The following CELF5 variants were observed in gnomAD, a reference collection of about 807,000 sequenced individuals.
The protein encoded by CELF5 is CUG-BP and ETR-3 like factor 5.
Under a neutral mutation model 54.9 loss-of-function variants are expected in CELF5, and 6 were observed. The observed-to-expected ratio is 0.11, with a 90% CI of 0.06 to 0.22. The LOEUF (loss-of-function observed/expected upper bound fraction) is 0.22, where lower values mean the gene tolerates loss of function less well. CELF5 is among the 10% of genes least tolerant of loss of function. The pLI is 1.00. For missense variants in CELF5, 401 were observed against 678.6 expected (o/e 0.59, Z 4.54); for synonymous variants, 271 against 290.9 (o/e 0.93, Z 0.70).
rs1219731783 is a variant in CELF5, at chr19:3,284,924, G to A, written c.1062G>A (p.Glu354=). 4 of 1,612,982 alleles carry A rather than the reference G, an allele frequency of 2.5e-6. No individual in the cohort carries two copies. The highest frequency in any genetic ancestry group is 1.7e-4 in the Middle Eastern group (1 of 5,884). The part of the protein sequence containing the change: ...PYPAQSPTVA[E]TLHPAFSGVQ... ...CAGCTCAGAGCCCGACTGTGGCCGA[G>A]ACACTGCATCCTGCCTTCTCCGGAG... The change falls in exon 9 of 13, where the codon GAG becomes GAA. Residue 354 remains glutamate (E), a synonymous_variant. Transcript: ENST00000292672.
intron 1 of CELF5, among the ~76,000 whole-genome samples, chr19:3,244,497 G>A (rs1315618664): frequency 1.3e-5 from 2 of 148,538 alleles, no homozygotes; most frequent in Non-Finnish European, 3.0e-5. Context: ...CGGTGTGCAT[G>A]CATCTGTGTG....
intron 2 of CELF5, among the ~76,000 whole-genome samples, chr19:3,265,521 T>C (rs2079869824): frequency 6.6e-6 from 1 of 152,186 alleles, no homozygotes; most frequent in Admixed American, 6.5e-5. Context: ...TTTTTGTTTA[T>C]TTTTTGAGAC....
chr19:3,241,639 C>T (rs2079492772), intron 1 of CELF5, among the ~76,000 whole-genome samples: 1 of 151,982 alleles, frequency 6.6e-6, no homozygotes, highest in Non-Finnish European at 1.5e-5. Flanking sequence ...AGCTGTGGCT[C>T]AGGCTGAGGC....
chr19:3,253,107 A>G (rs569471643), intron 2 of CELF5, among the ~76,000 whole-genome samples: 185 of 152,146 alleles, frequency 1.2e-3, no homozygotes, highest in African/African-American at 4.3e-3. Flanking sequence ...ACATTAAAAA[A>G]AAAAAGAAAG....
At position 3,226,266 on chromosome 19, in the gene CELF5, AT is replaced by A. The variant is rs773005877; in HGVS notation, c.259+1270del. ...GAATGCATGTTTATTGAATGAATGA[AT>A]TGAATGAATGAATGAATGAATGAAT... On this transcript the variant is annotated intron_variant, in intron 1 of 12. Transcript: ENST00000292672. Among the ~76,000 whole-genome samples, 26 of 125,282 alleles carry A rather than the reference AT, an allele frequency of 2.1e-4. 1 individual carries two copies. The highest frequency in any genetic ancestry group is 9.7e-4 in the Admixed American group (11 of 11,324). The allele number at this position is 125,282 out of a possible 152,430, so 82.2% of individuals were successfully genotyped here. A position where few individuals can be genotyped will look rare whatever the true frequency, so the allele number is the denominator to read the frequency against.
intron 1 of CELF5, among the ~76,000 whole-genome samples, chr19:3,233,933 C>T (rs1324079625): frequency 3.3e-5 from 5 of 152,222 alleles, no homozygotes; most frequent in Non-Finnish European, 7.3e-5. Context: ...ATGCCTGGCT[C>T]TTCTGAGGAG....
At chr19:3,256,570 A>ATTG (rs2079730300) in intron 2 of CELF5, among the ~76,000 whole-genome samples, 1 of 130,978 alleles carries the variant, frequency 7.6e-6, no homozygotes, top group African/African-American at 2.7e-5. Flanking sequence ...TATTATTATT[A>ATTG]TTATTAATTT....
intron 12 of CELF5, 74 bp downstream of exon 12, chr19:3,293,560 A>T: frequency 8.0e-7 from 1 of 1,256,386 alleles, no homozygotes; most frequent in Non-Finnish European, 1.1e-6. Flanking sequence ...GGCCCACTTC[A>T]TGCTCCAAAC....
chr19:3,272,467 C>T (rs1192897652), intron 2 of CELF5, among the ~76,000 whole-genome samples: 1 of 152,178 alleles, frequency 6.6e-6, no homozygotes, highest in Non-Finnish European at 1.5e-5. Flanking sequence ...TCAGAAAGAG[C>T]ACTTTGGAAC....
intron 2 of CELF5, among the ~76,000 whole-genome samples, chr19:3,252,487 G>A (rs984196407): frequency 5.9e-5 from 9 of 152,156 alleles, no homozygotes; most frequent in East Asian, 3.9e-4. Flanking sequence ...GAGCCACGGC[G>A]CCCCACCTTG....
In CELF5 at chr19:3,285,879, G is replaced by A. The variant is rs1392746120; in HGVS notation, c.1103-63G>A. The A allele has an allele frequency of 1.2e-5, 15 of 1,263,610 alleles. No homozygotes were observed. The African/African-American group carries it at 2.1e-4, about 18-fold the overall frequency. The allele number at this position is 1,263,610 out of a possible 1,614,324, so 78.3% of individuals were successfully genotyped here. On this transcript the variant is annotated intron_variant, in intron 9 of 12. Coordinates refer to ENST00000292672, the MANE Select transcript of CELF5 (RefSeq NM_021938.4). ...GGCCCCGCCCCCTCCCCGCCCAGCG[G>A]CCCAGGCCGCCCACGTGGCCTCACG...
intron 2 of CELF5, among the ~76,000 whole-genome samples, chr19:3,271,262 G>C (rs1026181347): frequency 5.3e-5 from 8 of 151,732 alleles, no homozygotes; most frequent in African/African-American, 1.9e-4. Flanking sequence ...ACCTCCCCTG[G>C]CACCCCCCCG....
intron 5 of CELF5, among the ~76,000 whole-genome samples, chr19:3,279,307 TG>T (rs1423815337): frequency 2.0e-5 from 3 of 151,988 alleles, no homozygotes; most frequent in Non-Finnish European, 4.4e-5. Context: ...AAGGAGGCAC[TG>T]GGGACTGCCC....
chr19:3,256,653 C>T (rs1415785115), intron 2 of CELF5, among the ~76,000 whole-genome samples: 1 of 151,520 alleles, frequency 6.6e-6, no homozygotes, highest in Non-Finnish European at 1.5e-5. Context: ...ACTGCAACCT[C>T]CGCCTCCTGG....
intron 5 of CELF5, among the ~76,000 whole-genome samples, chr19:3,280,508 G>A (rs552020215): frequency 9.2e-5 from 14 of 152,298 alleles, no homozygotes; most frequent in African/African-American, 3.4e-4. Context: ...CTGGAAGGCA[G>A]AGGTTGCAGT....
chr19:3,235,422 G>T (rs1399863656), intron 1 of CELF5, among the ~76,000 whole-genome samples: 1 of 151,476 alleles, frequency 6.6e-6, no homozygotes, highest in Non-Finnish European at 1.5e-5. Flanking sequence ...TTAGCACAGA[G>T]ATTTTCACCT....
At position 3,255,276 on chromosome 19, in the gene CELF5, G is replaced by A. The variant is rs565240001; in HGVS notation, c.342+4209G>A. On this transcript the variant is annotated intron_variant, in intron 2 of 12. Transcript: ENST00000292672. Reference sequence around the variant, plus strand: ...CTCAGCTCACTGCAACTTCTGCCTCGCGGGTTCAAGTGATTCTCCTGCCTC... The same window carrying A: ...CTCAGCTCACTGCAACTTCTGCCTCACGGGTTCAAGTGATTCTCCTGCCTC... 4.6e-3 allele frequency among the ~76,000 whole-genome samples: 698 copies of A among 152,130 alleles called. 1 individual carries two copies. Among genetic ancestry groups the A allele is most frequent in the Non-Finnish European group, 6.6e-3 (449 of 67,988 alleles).
intron 11 of CELF5, among the ~76,000 whole-genome samples, chr19:3,291,348 G>A (rs958598587): frequency 2.0e-5 from 3 of 152,044 alleles, no homozygotes; most frequent in African/African-American, 7.2e-5. Flanking sequence ...GGTGGTTCAC[G>A]AGGTCAGAAG....
At chr19:3,254,374 T>C (rs1274742801) in intron 2 of CELF5, among the ~76,000 whole-genome samples, 2 of 151,848 alleles carry the variant, frequency 1.3e-5, no homozygotes, top group Non-Finnish European at 2.9e-5. Flanking sequence ...ATCCATCTAC[T>C]CATCCACCTA....
Sources: gnomAD v4.1 joint callset for allele counts (sites outside exome capture counted in the v4.1 genomes callset) on GRCh38, gnomAD v4.1.1 for gene constraint, MANE v1.5 for transcripts, NCBI Gene and HGNC (gene_info 2026-07-23, HGNC 2026-07-21) for gene names.